Variants in ANKRD33B observed in about 807,000 individuals in gnomAD.
ANKRD33B encodes the protein ankyrin repeat domain-containing protein 33B.
ANKRD33B carries 6 observed loss-of-function variants against 21.5 expected under a neutral mutation model. The ratio of observed to expected loss-of-function variants is 0.28; its 90% CI spans 0.15 to 0.55. ANKRD33B has a LOEUF of 0.55. Ranked by LOEUF, ANKRD33B falls within the 20% of genes least tolerant of loss-of-function variation. The pLI, the probability that ANKRD33B is intolerant of heterozygous loss-of-function variation, is 0.94. For missense variants in ANKRD33B, 698 were observed against 747.2 expected, an observed-to-expected ratio of 0.93 and a Z score of 0.77; for synonymous variants, 347 against 342.4, an observed-to-expected ratio of 1.01 and a Z score of -0.15.
chr5:10,596,271 T>C (rs1343547565), intron 1 of ANKRD33B, among the ~76,000 whole-genome samples: 1 of 152,170 alleles, frequency 6.6e-6, no homozygotes, highest in Non-Finnish European at 1.5e-5. Context: ...ACCCATCAGC[T>C]AGGTATTAAG....
At chr5:10,565,690 G>A (rs1046428642) in intron 1 of ANKRD33B, among the ~76,000 whole-genome samples, 1 of 152,270 alleles carries the variant, frequency 6.6e-6, no homozygotes, top group African/African-American at 2.4e-5. Context: ...GAGAAGGACT[G>A]GCTGGTGGAA....
chr5:10,570,606 G>A (rs775437531), intron 1 of ANKRD33B, among the ~76,000 whole-genome samples: 3 of 152,180 alleles, frequency 2.0e-5, no homozygotes, highest in Non-Finnish European at 4.4e-5. Flanking sequence ...TGCCCAGGCT[G>A]GAGTACAGTG....
rs573002855 is a variant in ANKRD33B, at chr5:10,580,279, G to A, written c.366+15446G>A. 2.2e-4 allele frequency among the ~76,000 whole-genome samples: 34 copies of A among 152,332 alleles called. 1 individual carries two copies. Among genetic ancestry groups the A allele is most frequent in the African/African-American group, 7.0e-4 (29 of 41,578 alleles). On this transcript the variant is annotated intron_variant, in intron 1 of 3. Transcript: ENST00000296657. The stretch of plus-strand genomic sequence containing the variant: ...CAGAGCCCTAAGTCTGACTCATTCT[G>A]TGTTGAGCGTTGGGCCACACTGTCT...
intron 1 of ANKRD33B, among the ~76,000 whole-genome samples, chr5:10,598,040 A>AT: frequency 1.3e-5 from 2 of 152,198 alleles, no homozygotes; most frequent in African/African-American, 4.8e-5. Context: ...TCAGAAGCCA[A>AT]TTACCACTAC....
At chr5:10,596,215 T>C (rs1467233677) in intron 1 of ANKRD33B, among the ~76,000 whole-genome samples, 2 of 152,214 alleles carry the variant, frequency 1.3e-5, no homozygotes, top group East Asian at 3.8e-4. Context: ...GCAGGTTTGT[T>C]ACACAGGCAG....
intron 3 of ANKRD33B, among the ~76,000 whole-genome samples, chr5:10,644,136 T>G (rs1737137344): frequency 1.3e-5 from 2 of 152,170 alleles, no homozygotes; most frequent in African/African-American, 2.4e-5. Context: ...TACGTGATAT[T>G]AAGAAAAAAA....
intron 1 of ANKRD33B, among the ~76,000 whole-genome samples, chr5:10,604,932 G>A (rs1256482083): frequency 6.6e-6 from 1 of 152,158 alleles, no homozygotes; most frequent in Non-Finnish European, 1.5e-5. Flanking sequence ...CAGTGTCTAT[G>A]GCTCGGGAAT....
At chr5:10,628,034 C>G (rs556309183) in intron 2 of ANKRD33B, 1 of 152,454 alleles carries the variant, frequency 6.6e-6, no homozygotes, top group African/African-American at 2.4e-5. Context: ...CTGTTCATGC[C>G]GCGTGGCTGG....
At chr5:10,642,970 T>A (rs141827443) in intron 3 of ANKRD33B, among the ~76,000 whole-genome samples, 130 of 152,298 alleles carry the variant, frequency 8.5e-4, no homozygotes, top group Non-Finnish European at 1.2e-3. Context: ...AGTGGCGCGA[T>A]CTCGGTTCAC....
chr5:10,621,324 T>C (rs1164099303), intron 2 of ANKRD33B, among the ~76,000 whole-genome samples: 1 of 152,200 alleles, frequency 6.6e-6, no homozygotes, highest in African/African-American at 2.4e-5. Context: ...TCATTCACAC[T>C]AAATGTTATT....
At chr5:10,621,962 G>A (rs373007517) in intron 2 of ANKRD33B, among the ~76,000 whole-genome samples, 1 of 152,168 alleles carries the variant, frequency 6.6e-6, no homozygotes, top group African/African-American at 2.4e-5. Flanking sequence ...ACCAGAGCTC[G>A]CTCCTTCCCC....
chr5:10,644,579 C>T (rs1234480184), intron 3 of ANKRD33B, among the ~76,000 whole-genome samples: 2 of 152,132 alleles, frequency 1.3e-5, no homozygotes, highest in African/African-American at 2.4e-5. Context: ...TAAAGGACGG[C>T]GAGGAACAGA....
At chr5:10,580,429 G>A (rs1560962728) in intron 1 of ANKRD33B, among the ~76,000 whole-genome samples, 1 of 152,212 alleles carries the variant, frequency 6.6e-6, no homozygotes, top group Non-Finnish European at 1.5e-5. Flanking sequence ...TCAGCACTCA[G>A]TATTGAGCAA....
rs181047492 is a variant in ANKRD33B, at chr5:10,621,783, G to A, written c.496+3321G>A. ...TGGGTTATCTTTTCTATAAGGTGAT[G>A]TTATGGACTGAATGTTTATGTCCTC... On this transcript the variant is annotated intron_variant, in intron 2 of 3. Transcript: ENST00000296657. Among the ~76,000 whole-genome samples, 285 of 152,344 alleles carry A rather than the reference G, an allele frequency of 1.9e-3. 1 individual carries two copies. Among genetic ancestry groups the A allele is most frequent in the Non-Finnish European group, 3.4e-3 (230 of 68,024 alleles).
chr5:10,598,927 C>T (rs1476121272), intron 1 of ANKRD33B, among the ~76,000 whole-genome samples: 2 of 152,176 alleles, frequency 1.3e-5, no homozygotes, highest in Non-Finnish European at 2.9e-5. Context: ...GTATAATTGA[C>T]ATATGATAAA....
intron 1 of ANKRD33B, among the ~76,000 whole-genome samples, chr5:10,594,285 A>G (rs1403862235): frequency 2.2e-5 from 3 of 133,388 alleles, no homozygotes; most frequent in Admixed American, 9.2e-5. Flanking sequence ...GCTGGAGTGC[A>G]ATGCCCACCA....
intron 1 of ANKRD33B, among the ~76,000 whole-genome samples, chr5:10,586,771 C>T (rs1477074010): frequency 6.6e-6 from 1 of 152,122 alleles, no homozygotes; most frequent in Admixed American, 6.6e-5. Context: ...GGACATTACT[C>T]ATTTGTTTCC....
At chr5:10,589,465 C>T (rs1428975011) in intron 1 of ANKRD33B, among the ~76,000 whole-genome samples, 2 of 152,202 alleles carry the variant, frequency 1.3e-5, no homozygotes, top group Non-Finnish European at 1.5e-5. Context: ...TCCTTCTACA[C>T]TTTGCCAACA....
intron 1 of ANKRD33B, among the ~76,000 whole-genome samples, chr5:10,585,365 A>G (rs1167507816): frequency 6.6e-6 from 1 of 152,222 alleles, no homozygotes; most frequent in Non-Finnish European, 1.5e-5. Flanking sequence ...TCCCCTAAAC[A>G]TTGTCCTTGA....
Sources: allele counts gnomAD v4.1 joint callset (sites outside exome capture counted in the v4.1 genomes callset), GRCh38; gene constraint gnomAD v4.1.1; transcripts MANE v1.5; gene names NCBI Gene and HGNC (gene_info 2026-07-23, HGNC 2026-07-21).